Variants in LRRC7 observed in about 807,000 individuals in gnomAD.
The protein encoded by LRRC7 is leucine-rich repeat-containing protein 7.
A neutral mutation model predicts 175.7 loss-of-function variants in LRRC7; 23 were observed. That is an observed-to-expected ratio of 0.13 (90% CI 0.09 to 0.19). The LOEUF (loss-of-function observed/expected upper bound fraction) is 0.19, where lower values mean the gene tolerates loss of function less well. Among genes scored for constraint, LRRC7 ranks in the 10% least tolerant of loss-of-function variants. The probability of loss-of-function intolerance (pLI) is 1.00; values close to 1 mark genes in which losing one functional copy is unlikely to be tolerated. For missense variants in LRRC7, 1,354 were observed against 1,904.7 expected, an observed-to-expected ratio of 0.71 and a Z score of 5.38; for synonymous variants, 685 against 680.9, an observed-to-expected ratio of 1.01 and a Z score of -0.09.
At position 70,023,219 on chromosome 1, in the gene LRRC7, A is replaced by T. The variant is rs539854400; in HGVS notation, c.1639A>T (p.Arg547Trp). Residue 547 changes from arginine (R) to tryptophan (W), a missense_variant, in exon 17 of 27, where the codon AGG becomes TGG. This residue lies in a region of LRRC7 where 1,032 missense variants were observed against 1,227.2 expected (regional missense o/e 0.84). Coordinates refer to ENST00000651989, the MANE Select transcript of LRRC7 (RefSeq NM_001370785.2). The part of the protein sequence containing the change: ...LSGDCCTPWA[R>W]CDQQIQDMPV... ...TGGCGATTGCTGCACACCATGGGCC[A>T]GGTGTGATCAGCAGATCCAAGATAT... 6.2e-7 allele frequency: 1 copy of T among 1,611,460 alleles called. No individual in the cohort carries two copies. Among genetic ancestry groups the T allele is most frequent in the Non-Finnish European group, 8.5e-7 (1 of 1,178,598 alleles).
At chr1:69,838,612 C>T (rs1681379843) in intron 7 of LRRC7, among the ~76,000 whole-genome samples, 1 of 151,800 alleles carries the variant, frequency 6.6e-6, no homozygotes, top group Non-Finnish European at 1.5e-5. Context: ...AAGGTTCAAC[C>T]TAATAGGATG....
intron 7 of LRRC7, among the ~76,000 whole-genome samples, chr1:69,881,448 A>G (rs929419270): frequency 6.6e-5 from 10 of 152,250 alleles, no homozygotes; most frequent in Admixed American, 5.9e-4. Flanking sequence ...AATTGTTAGC[A>G]TCATTCAACT....
chr1:69,790,979 C>T (rs1439033413), intron 3 of LRRC7, among the ~76,000 whole-genome samples: 3 of 152,064 alleles, frequency 2.0e-5, no homozygotes, highest in African/African-American at 7.2e-5. Context: ...CGACCATGTG[C>T]TACATTGTTT....
intron 4 of LRRC7, among the ~76,000 whole-genome samples, chr1:69,796,574 C>T (rs890957329): frequency 1.3e-5 from 2 of 152,002 alleles, no homozygotes; most frequent in African/African-American, 2.4e-5. Context: ...CACCTGAGGT[C>T]GGGAGTTCGA....
intron 3 of LRRC7, among the ~76,000 whole-genome samples, chr1:69,761,333 C>T (rs1671014362): frequency 6.6e-6 from 1 of 151,936 alleles, no homozygotes. Flanking sequence ...ACAATAAAAA[C>T]TTGAAATTAA....
At chr1:70,079,334 AG>A (rs1663043979) in intron 24 of LRRC7, among the ~76,000 whole-genome samples, 1 of 152,244 alleles carries the variant, frequency 6.6e-6, no homozygotes, top group Non-Finnish European at 1.5e-5. Flanking sequence ...GTGCTATAAA[AG>A]AGCCATAAAG....
intron 1 of LRRC7, among the ~76,000 whole-genome samples, chr1:69,601,013 G>A (rs1283593212): frequency 1.3e-5 from 2 of 151,690 alleles, no homozygotes; most frequent in Non-Finnish European, 2.9e-5. Flanking sequence ...ACGGGGTTTC[G>A]CCATGCTGGC....
rs1165336025 is a variant in LRRC7 at position 70,134,129 on chromosome 1, G to A, written c.*12242G>A. Among the ~76,000 whole-genome samples, 2 of 152,138 alleles carry A rather than the reference G, an allele frequency of 1.3e-5. No individual in the cohort carries two copies. The highest frequency in any genetic ancestry group is 2.9e-5 in the Non-Finnish European group (2 of 68,016). ...AGTAATCAGCATAATATGACAATCA[G>A]ATTTTATTTTATTATGAAGTGAATA... On this transcript the variant is annotated 3_prime_UTR_variant, in exon 27 of 27. Transcript: ENST00000651989.
intron 2 of LRRC7, among the ~76,000 whole-genome samples, chr1:69,750,263 CAGCAAGGAAACTCTTATTT>C (rs781672817): frequency 5.9e-5 from 9 of 151,614 alleles, no homozygotes; most frequent in Non-Finnish European, 1.0e-4. Context: ...TTCAGTAGCA[CAGCAAGGAAACTCTTATTT>C]AGCAATAATG....
At chr1:69,651,512 T>G (rs2100486413) in intron 1 of LRRC7, among the ~76,000 whole-genome samples, 1 of 152,306 alleles carries the variant, frequency 6.6e-6, no homozygotes, top group Non-Finnish European at 1.5e-5. Flanking sequence ...TTAAAAGCAC[T>G]GTGGGAGTAC....
intron 12 of LRRC7, 77 bp from the exon 13 acceptor site, chr1:70,012,897 T>G: frequency 1.4e-6 from 1 of 704,682 alleles, no homozygotes; most frequent in Non-Finnish European, 2.2e-6. Context: ...ACTAAATTGT[T>G]TTAAAAATTA....
chr1:70,042,994 A>ATT (rs11300645), intron 21 of LRRC7, among the ~76,000 whole-genome samples: 1 of 148,580 alleles, frequency 6.7e-6, no homozygotes, highest in Non-Finnish European at 1.5e-5. Flanking sequence ...AACTTCTGTG[A>ATT]TTTTTTTTTT....
intron 1 of LRRC7, among the ~76,000 whole-genome samples, chr1:69,635,827 T>C (rs2147785): frequency 0.13 from 19,473 of 151,996 alleles, 1,593 homozygotes; most frequent in South Asian, 0.19. Context: ...ACATTACTGA[T>C]GTTTTTTTAA....
chr1:69,678,555 T>A, intron 2 of LRRC7, 77 bp downstream of exon 2: 1 of 949,172 alleles, frequency 1.1e-6, no homozygotes, highest in Non-Finnish European at 1.6e-6. Context: ...ATGAGTGACC[T>A]TTAAATGGTT....
intron 7 of LRRC7, among the ~76,000 whole-genome samples, chr1:69,927,288 G>T (rs2101757119): frequency 6.6e-6 from 1 of 152,194 alleles, no homozygotes; most frequent in Non-Finnish European, 1.5e-5. Context: ...TATGTTTCTT[G>T]GAGTTGCTCT....
intron 2 of LRRC7, among the ~76,000 whole-genome samples, chr1:69,749,918 A>T (rs1466006578): frequency 2.0e-5 from 3 of 151,908 alleles, no homozygotes; most frequent in Admixed American, 2.0e-4. Flanking sequence ...AAAATTAGCC[A>T]GGCATGGTGG....
At chr1:69,584,156 C>T (rs1646311896) in intron 1 of LRRC7, among the ~76,000 whole-genome samples, 1 of 152,086 alleles carries the variant, frequency 6.6e-6, no homozygotes, top group Non-Finnish European at 1.5e-5. Context: ...AAGTGAACTC[C>T]AGGCTGATCA....
intron 11 of LRRC7, among the ~76,000 whole-genome samples, chr1:70,001,812 C>CT (rs1216485440): frequency 2.6e-5 from 4 of 152,048 alleles, no homozygotes; most frequent in Non-Finnish European, 5.9e-5. Context: ...TAATGAGCGC[C>CT]TTTTTTTGTA....
intron 1 of LRRC7, among the ~76,000 whole-genome samples, chr1:69,660,023 A>T (rs2100526940): frequency 6.6e-6 from 1 of 152,190 alleles, no homozygotes; most frequent in South Asian, 2.1e-4. Context: ...CTGAATTTAA[A>T]AAATCTTTTA....
Sources: allele counts gnomAD v4.1 joint callset (sites outside exome capture counted in the v4.1 genomes callset), GRCh38; gene constraint gnomAD v4.1.1; regional missense constraint gnomAD v4.1.1; transcripts MANE v1.5; gene names NCBI Gene and HGNC (gene_info 2026-07-23, HGNC 2026-07-21).